SERINC2: variants seen among roughly 807,000 people sequenced by gnomAD.
SERINC2 encodes serine incorporator 2, also known as tumor differentially expressed protein 2.
A neutral mutation model predicts 54.2 loss-of-function variants in SERINC2; 56 were observed. That is an observed-to-expected ratio of 1.03 (90% CI 0.83 to 1.29). SERINC2 has a LOEUF of 1.29. Among genes scored for constraint, SERINC2 ranks in the 50% most tolerant of loss-of-function variants. SERINC2 has a pLI of 0.00. For synonymous variants in SERINC2, 272 were observed against 253.1 expected (o/e 1.07, Z -0.71); for missense variants, 614 against 607.4 (o/e 1.01, Z -0.12).
chr1:31,423,661 G>A lies in SERINC2; in HGVS notation c.40-32G>A, dbSNP rs1553133009. The A allele has an allele frequency of 2.5e-6, 4 of 1,598,138 alleles. No individual in the cohort carries two copies. The South Asian group carries it at 4.4e-5, about 18-fold the overall frequency. On this transcript the variant is annotated intron_variant, in intron 1 of 9. Transcript: ENST00000373709. Reference sequence around the variant, plus strand: ...GAGGTGCGCGCTTGGGCGGTGAAGGGGAGAGGGAAGAGTGACAGTGCCCTC... The same window carrying A: ...GAGGTGCGCGCTTGGGCGGTGAAGGAGAGAGGGAAGAGTGACAGTGCCCTC...
chr1:31,432,204 A>ACAGG (rs1641314479), intron 8 of SERINC2, among the ~76,000 whole-genome samples: 4 of 46,424 alleles, frequency 8.6e-5, no homozygotes, highest in Admixed American at 2.1e-4. Flanking sequence ...GAGTGGAGAG[A>ACAGG]GTGGACAGGG....
At position 31,432,160 on chromosome 1, in the gene SERINC2, G is replaced by A. The variant is rs1174489132; in HGVS notation, c.1014-807G>A. 3.4e-4 allele frequency among the ~76,000 whole-genome samples: 40 copies of A among 118,084 alleles called. 3 individuals carry two copies. The highest frequency in any genetic ancestry group is 1.3e-3 in the African/African-American group (31 of 23,024). The allele number at this position is 118,084 out of a possible 152,430, so 77.5% of individuals were successfully genotyped here. A position where few individuals can be genotyped will look rare whatever the true frequency, so the allele number is the denominator to read the frequency against. ...GGACAGGGTGGACAGGGTGGACAGG[G>A]TGGATAGGGTGGATAGGGTGGATAG... is the stretch of plus-strand genomic sequence containing the variant. On this transcript the variant is annotated intron_variant, in intron 8 of 9. Transcript: ENST00000373709.
chr1:31,424,630 GC>G, intron 2 of SERINC2, 52 bp from the exon 3 acceptor site: 1 of 1,435,930 alleles, frequency 7.0e-7, no homozygotes, highest in Non-Finnish European at 9.4e-7. Context: ...AAAGGGAGCT[GC>G]CAGGGTTCTG....
In SERINC2 at chr1:31,428,978, G is replaced by C. The variant is rs2148523581; in HGVS notation, c.781G>C (p.Asp261His). 1 of 1,613,730 alleles carries C rather than the reference G, an allele frequency of 6.2e-7. No individual in the cohort carries two copies. The highest frequency in any genetic ancestry group is 1.3e-5 in the African/African-American group (1 of 74,950). ...SIAAVLPKVQ[D>H]AQPNSGLLQA... ...GTCTTACCAGGGGTCCTCTTGCCAGGACGCCCAGCCCAACTCGGGTCTGCT... is the reference window on the plus strand; with the variant it reads ...GTCTTACCAGGGGTCCTCTTGCCAGCACGCCCAGCCCAACTCGGGTCTGCT... The change falls in exon 7 of 10, where the codon GAC becomes CAC. Residue 261 changes from aspartate (D) to histidine (H), a missense_variant and splice_region_variant. Physicochemically the swap from Asp to His is moderately conservative, Grantham distance 81. Transcript: ENST00000373709.
At position 31,434,150 on chromosome 1, in the gene SERINC2, T is replaced by C. The variant is rs202174824; in HGVS notation, c.1319T>C (p.Leu440Pro). The stretch of plus-strand genomic sequence containing the variant: ...AGCTGGGCAGGGCTGCTCCTCTACC[T>C]GTGGACCCTGGTAGCCCCACTCCTC... Reference protein sequence around the residue: ...CASWAGLLLYLWTLVAPLLLR... With the variant: ...CASWAGLLLYPWTLVAPLLLR... The change falls in exon 10 of 10, where the codon CTG (leucine) becomes CCG (proline). Residue 440 changes from leucine (L) to proline (P), a missense_variant. By Grantham distance (98) the Leu-to-Pro change is moderately conservative. Transcript: ENST00000373709. 12 of 1,613,850 alleles carry C rather than the reference T, an allele frequency of 7.4e-6. No individual in the cohort carries two copies. The African/African-American group carries it at 1.3e-4, about 18-fold the overall frequency.
At chr1:31,416,063 G>C (rs1339359268) in intron 1 of SERINC2, among the ~76,000 whole-genome samples, 4 of 152,166 alleles carry the variant, frequency 2.6e-5, no homozygotes, top group Non-Finnish European at 2.9e-5. Context: ...CAGACCACTG[G>C]ACTCGGATCC....
chr1:31,411,283 C>T (rs1640643391), upstream of SERINC2, among the ~76,000 whole-genome samples: 1 of 152,198 alleles, frequency 6.6e-6, no homozygotes, highest in Non-Finnish European at 1.5e-5. Context: ...GAAAGCCAGG[C>T]CAGGTTGCCT....
At chr1:31,433,730 A>G (rs1641389641) in intron 9 of SERINC2, among the ~76,000 whole-genome samples, 3 of 152,168 alleles carry the variant, frequency 2.0e-5, no homozygotes, top group Non-Finnish European at 4.4e-5. Flanking sequence ...ATCAAAGGTC[A>G]GAATCAAGGG....
rs887654986 is a variant in SERINC2, at chr1:31,416,100, A to C, written c.39+2796A>C. 2.0e-5 allele frequency among the ~76,000 whole-genome samples: 3 copies of C among 152,140 alleles called. No individual in the cohort carries two copies. In the East Asian group the frequency reaches 5.8e-4, roughly 29 times the overall value. ...AGCTTTGCCTCTTCGCATCTCTGTGACTGTGGGCAGTCACTTTGCCCATCC... is the reference window on the plus strand; with the variant it reads ...AGCTTTGCCTCTTCGCATCTCTGTGCCTGTGGGCAGTCACTTTGCCCATCC... On this transcript the variant is annotated intron_variant, in intron 1 of 9. Transcript: ENST00000373709.
At position 31,434,159 on chromosome 1, in the gene SERINC2, T is replaced by C; in HGVS notation, c.1328T>C (p.Leu443Pro). 6.2e-7 allele frequency: 1 copy of C among 1,613,770 alleles called. No homozygotes were observed. The highest frequency in any genetic ancestry group is 8.5e-7 in the Non-Finnish European group (1 of 1,179,874). Residue 443 changes from leucine (L) to proline (P), a missense_variant, in exon 10 of 10, where the codon CTG (leucine) becomes CCG (proline). Transcript: ENST00000373709. ...GGGCTGCTCCTCTACCTGTGGACCC[T>C]GGTAGCCCCACTCCTCCTGCGCAAC... ...WAGLLLYLWT[L>P]VAPLLLRNRD...
At chr1:31,415,247 G>A (rs1417484037) in intron 1 of SERINC2, among the ~76,000 whole-genome samples, 1 of 152,202 alleles carries the variant, frequency 6.6e-6, no homozygotes, top group Non-Finnish European at 1.5e-5. Flanking sequence ...CTGAGGCACA[G>A]GGCTGGTCCA....
At chr1:31,423,546 G>A (rs1401272253) in intron 1 of SERINC2, 147 bp from the exon 2 acceptor site, 4 of 788,684 alleles carry the variant, frequency 5.1e-6, no homozygotes, top group South Asian at 1.8e-5. Flanking sequence ...CCTCCCTCTC[G>A]GACCTGAAAG....
chr1:31,427,285 C>G (rs1446334201), intron 6 of SERINC2, among the ~76,000 whole-genome samples: 8 of 152,204 alleles, frequency 5.3e-5, no homozygotes, highest in African/African-American at 1.9e-4. Flanking sequence ...CCAAGACCAT[C>G]TGGAATAATG....
chr1:31,420,532 G>GTTGTTTGT lies in SERINC2; in HGVS notation c.40-3150_40-3143dup, dbSNP rs55683816. ...TTGGTTTTCTGGTATTGGGTTTTTT[G>GTTGTTTGT]TTGTTTGTTTGTTTGTTTTTTCATC... On this transcript the variant is annotated intron_variant, in intron 1 of 9. Coordinates refer to ENST00000373709, the MANE Select transcript of SERINC2 (RefSeq NM_178865.5). 8.8e-3 allele frequency among the ~76,000 whole-genome samples: 1,333 copies of GTTGTTTGT among 151,800 alleles called. 23 individuals are homozygous for GTTGTTTGT. The highest frequency in any genetic ancestry group is 0.03 in the African/African-American group (1,247 of 41,292).
In SERINC2 at chr1:31,414,654, G is replaced by A. The variant is rs1421608670; in HGVS notation, c.39+1350G>A. ...GTGCAGGAGGAGGAATCAAGCTGGT[G>A]CCTGAAATCCCTCCCAGCCCAAAGA... On this transcript the variant is annotated intron_variant, in intron 1 of 9. Transcript: ENST00000373709. 1.3e-5 allele frequency: 13 copies of A among 985,398 alleles called. No individual in the cohort carries two copies. In the African/African-American group the frequency reaches 2.3e-4, roughly 17 times the overall value. The allele number at this position is 985,398 out of a possible 1,614,324, so 61.0% of individuals were successfully genotyped here.
At chr1:31,423,648 T>C (rs782490744) in intron 1 of SERINC2, 45 bp from the exon 2 acceptor site, 2 of 1,588,952 alleles carry the variant, frequency 1.3e-6, no homozygotes, top group Admixed American at 3.4e-5. Flanking sequence ...GGTGCGCGCT[T>C]GGGCGGTGAA....
intron 1 of SERINC2, among the ~76,000 whole-genome samples, chr1:31,419,220 A>G (rs553716264): frequency 2.3e-4 from 35 of 152,318 alleles, no homozygotes; most frequent in Admixed American, 1.8e-3. Context: ...CTCTGTAGCC[A>G]GGGAATTCAT....
At chr1:31,412,000 CAAAAAAAA>C (rs11368197), upstream of SERINC2, among the ~76,000 whole-genome samples, 13 of 44,520 alleles carry the variant, frequency 2.9e-4, no homozygotes, top group African/African-American at 8.8e-4. Flanking sequence ...GACCCTGTCT[CAAAAAAAA>C]AAAAAAAAAA....
Position 31,434,537 on chromosome 1 carries a change from ACTCCCACCACAGTG to A in SERINC2, c.*339_*352del, listed in dbSNP as rs1355132646. ...GCGGGGCTGCTGGAGAGAGCGGGGA[ACTCCCACCACAGTG>A]GGGCATCCGGCACTGAAGCCCTGGT... On this transcript the variant is annotated 3_prime_UTR_variant, in exon 10 of 10. Transcript: ENST00000373709. 3.6e-6 allele frequency: 1 copy of A among 281,460 alleles called. No individual in the cohort carries two copies. The highest frequency in any genetic ancestry group is 6.7e-6 in the Non-Finnish European group (1 of 148,434). 17.4% of individuals were successfully genotyped at this position (281,460 alleles called of 1,614,324 possible).
Sources: allele counts gnomAD v4.1 joint callset (sites outside exome capture counted in the v4.1 genomes callset), GRCh38; gene constraint gnomAD v4.1.1; transcripts MANE v1.5; gene names NCBI Gene and HGNC (gene_info 2026-07-23, HGNC 2026-07-21).